Variants in CEP63 observed in about 807,000 individuals in gnomAD.
The protein encoded by CEP63 is centrosomal protein of 63 kDa.
Under a neutral mutation model 89.1 loss-of-function variants are expected in CEP63, and 84 were observed. That is an observed-to-expected ratio of 0.94 (90% confidence interval 0.79 to 1.13). The LOEUF (loss-of-function observed/expected upper bound fraction) is 1.13, where lower values mean the gene tolerates loss of function less well. Among genes scored for constraint, CEP63 ranks in the 50% most tolerant of loss-of-function variants. The probability of loss-of-function intolerance (pLI) is 0.00; values close to 1 mark genes in which losing one functional copy is unlikely to be tolerated. For missense variants in CEP63, 838 were observed against 813.3 expected, an observed-to-expected ratio of 1.03 and a Z score of -0.37; for synonymous variants, 267 against 272.5, an observed-to-expected ratio of 0.98 and a Z score of 0.20.
chr3:134,713,725 G>A, the CEP63 span, among the ~76,000 whole-genome samples: 1 of 152,172 alleles, frequency 6.6e-6, no homozygotes, highest in Admixed American at 6.5e-5. Context: ...GTAAGGTGGT[G>A]GTGCCTGCTG....
the CEP63 span, among the ~76,000 whole-genome samples, chr3:134,701,570 G>C: frequency 6.6e-6 from 1 of 151,278 alleles, no homozygotes; most frequent in Admixed American, 6.6e-5. Context: ...GGGTATTCAA[G>C]AGTGACAAGA....
the CEP63 span, among the ~76,000 whole-genome samples, chr3:134,728,429 A>G: frequency 7.2e-5 from 11 of 152,346 alleles, no homozygotes; most frequent in South Asian, 1.7e-3. Context: ...CTGTGCTAGC[A>G]TTATTTAGAG....
At chr3:134,656,721 A>G in the CEP63 span, among the ~76,000 whole-genome samples, 1 of 152,126 alleles carries the variant, frequency 6.6e-6, no homozygotes, top group African/African-American at 2.4e-5. Context: ...TGGAGAGGAC[A>G]GGCAGGGGAG....
the CEP63 span, among the ~76,000 whole-genome samples, chr3:134,707,244 C>T: frequency 6.6e-6 from 1 of 152,162 alleles, no homozygotes; most frequent in Non-Finnish European, 1.5e-5. Context: ...CATACATATG[C>T]AACTACAGAA....
At chr3:134,527,965 T>TA (rs1949002790) in intron 3 of CEP63, among the ~76,000 whole-genome samples, 1 of 152,144 alleles carries the variant, frequency 6.6e-6, no homozygotes, top group African/African-American at 2.4e-5. Flanking sequence ...CCACCACAGA[T>TA]TCTCTCACAC....
the CEP63 span, among the ~76,000 whole-genome samples, chr3:134,703,917 T>C: frequency 6.6e-6 from 1 of 152,238 alleles, no homozygotes; most frequent in Non-Finnish European, 1.5e-5. Flanking sequence ...AAGTCTCTCT[T>C]AGATAAAGCT....
chr3:134,592,490 G>GTGTGTGTGTGTA (rs1958618200), downstream of CEP63, among the ~76,000 whole-genome samples: 1 of 150,630 alleles, frequency 6.6e-6, no homozygotes, highest in Non-Finnish European at 1.5e-5. Context: ...GTGTGTGTGT[G>GTGTGTGTGTGTA]TGTGTGTGTG....
chr3:134,670,329 T>TA, the CEP63 span, among the ~76,000 whole-genome samples: 4 of 152,190 alleles, frequency 2.6e-5, no homozygotes, highest in East Asian at 1.9e-4. Flanking sequence ...TAAATTTTGT[T>TA]AAAAAAAGAG....
the CEP63 span, among the ~76,000 whole-genome samples, chr3:134,693,267 C>T: frequency 6.6e-6 from 1 of 152,130 alleles, no homozygotes; most frequent in African/African-American, 2.4e-5. Flanking sequence ...TTTACACTGT[C>T]CTGCCTAGAA....
the CEP63 span, among the ~76,000 whole-genome samples, chr3:134,715,816 T>C: frequency 2.6e-5 from 4 of 152,308 alleles, no homozygotes; most frequent in South Asian, 2.1e-4. Flanking sequence ...CAGAACCCTT[T>C]GTTCAAGATC....
chr3:134,739,619 T>A, the CEP63 span, among the ~76,000 whole-genome samples: 3 of 151,946 alleles, frequency 2.0e-5, no homozygotes, highest in African/African-American at 7.3e-5. Flanking sequence ...AACATAATGT[T>A]GCGCAAAGAC....
At chr3:134,664,022 G>T in the CEP63 span, among the ~76,000 whole-genome samples, 1 of 152,184 alleles carries the variant, frequency 6.6e-6, no homozygotes, top group Non-Finnish European at 1.5e-5. Context: ...TGCTGCAGGG[G>T]TGGGCGGACT....
chr3:134,604,410 A>T, the CEP63 span: 1 of 1,613,962 alleles, frequency 6.2e-7, no homozygotes, highest in Non-Finnish European at 8.5e-7. Flanking sequence ...CTTGCTTGCC[A>T]TTGAGCATGA....
chr3:134,542,951 A>AAG (rs1183468580), intron 6 of CEP63, among the ~76,000 whole-genome samples: 1 of 151,926 alleles, frequency 6.6e-6, no homozygotes, highest in Non-Finnish European at 1.5e-5. Flanking sequence ...AAAAAAAAAA[A>AAG]AAGTTTAAAA....
chr3:134,672,239 A>G, the CEP63 span, among the ~76,000 whole-genome samples: 17 of 152,312 alleles, frequency 1.1e-4, no homozygotes, highest in African/African-American at 3.6e-4. Flanking sequence ...ATGAGTAATA[A>G]TAGTAGCATC....
downstream of CEP63, among the ~76,000 whole-genome samples, chr3:134,565,576 T>C (rs927299814): frequency 6.6e-6 from 1 of 151,988 alleles, no homozygotes; most frequent in Non-Finnish European, 1.5e-5. Flanking sequence ...CCAAAACAGT[T>C]TGAAATAGTA....
rs529386244 is a variant in CEP63 at position 134,545,602 on chromosome 3, G to A, written c.572G>A (p.Arg191Gln). 9.6e-5 allele frequency: 155 copies of A among 1,613,714 alleles called. No individual in the cohort carries two copies. In the Admixed American group the frequency reaches 2.1e-3, roughly 22 times the overall value. Residue 191 changes from arginine (R) to glutamine (Q), a missense_variant, in exon 7 of 15, where the codon CGG becomes CAG. Coordinates refer to ENST00000675561, the MANE Select transcript of CEP63 (RefSeq NM_001353108.3). ...TGTTTCTAGGCTCAGCTTGTCAATC[G>A]GAAACAGAAATTAGAGTCTGTGGAA... is the stretch of plus-strand genomic sequence containing the variant. ...SEIIQAQLVNRKQKLESVELS... is the reference protein window; with the variant it reads ...SEIIQAQLVNQKQKLESVELS...
the CEP63 span, among the ~76,000 whole-genome samples, chr3:134,684,474 C>A: frequency 6.6e-6 from 1 of 152,210 alleles, no homozygotes; most frequent in Non-Finnish European, 1.5e-5. Context: ...CTCAAGAGAA[C>A]CTTTCTCATT....
chr3:134,624,979 G>T, the CEP63 span: 4 of 1,277,092 alleles, frequency 3.1e-6, no homozygotes, highest in East Asian at 5.0e-5. Context: ...GAGGTGTCTG[G>T]GGAGAGGTTT....
Sources: allele counts gnomAD v4.1 joint callset (sites outside exome capture counted in the v4.1 genomes callset), GRCh38; gene constraint gnomAD v4.1.1; transcripts MANE v1.5; gene names NCBI Gene and HGNC (gene_info 2026-07-23, HGNC 2026-07-21).